The following FRMD4A variants were observed in gnomAD, a reference collection of about 807,000 sequenced individuals.
FRMD4A encodes the protein FERM domain-containing protein 4A.
A neutral mutation model predicts 129.1 loss-of-function variants in FRMD4A; 29 were observed. The ratio of observed to expected loss-of-function variants is 0.22; its 90% confidence interval spans 0.17 to 0.31. The LOEUF is 0.31. FRMD4A is among the 10% of genes least tolerant of loss of function. The probability of loss-of-function intolerance (pLI) is 1.00; values close to 1 mark genes in which losing one functional copy is unlikely to be tolerated. For synonymous variants in FRMD4A, 634 were observed against 571.6 expected, an observed-to-expected ratio of 1.11 and a Z score of -1.56; for missense variants, 1,272 against 1,375.8, an observed-to-expected ratio of 0.92 and a Z score of 1.19.
intron 8 of FRMD4A, among the ~76,000 whole-genome samples, chr10:13,749,915 C>G (rs1168777009): frequency 1.3e-5 from 2 of 150,386 alleles, no homozygotes; most frequent in Non-Finnish European, 3.0e-5. Flanking sequence ...AATTGCAACA[C>G]CACACTCCAG....
chr10:14,046,038 T>C (rs892310410), intron 2 of FRMD4A, among the ~76,000 whole-genome samples: 1 of 151,200 alleles, frequency 6.6e-6, no homozygotes, highest in Non-Finnish European at 1.5e-5. Context: ...TATCAATATG[T>C]ATGTATTGAA....
intron 2 of FRMD4A, among the ~76,000 whole-genome samples, chr10:13,899,984 G>T (rs2094800706): frequency 6.6e-6 from 1 of 152,116 alleles, no homozygotes; most frequent in South Asian, 2.1e-4. Context: ...AATAACACTG[G>T]CAAGTTTTCC....
intron 2 of FRMD4A, among the ~76,000 whole-genome samples, chr10:14,049,308 A>G (rs966985406): frequency 6.6e-6 from 1 of 152,194 alleles, no homozygotes; most frequent in Non-Finnish European, 1.5e-5. Context: ...TTGTCCATGT[A>G]AGTAATTAAT....
chr10:14,053,748 G>C (rs963742509), intron 2 of FRMD4A, among the ~76,000 whole-genome samples: 3 of 152,148 alleles, frequency 2.0e-5, no homozygotes, highest in African/African-American at 7.2e-5. Flanking sequence ...GCTGGGCATG[G>C]TGGCTCATGC....
Position 13,666,084 on chromosome 10 carries a change from G to C in FRMD4A, c.1603+13C>G, listed in dbSNP as rs750072034. Reference sequence around the variant, plus strand: ...CGTGGGAGTGGGGTGGGGGCAGCCCGGTTGGCACTGACCGTCTATGATCAG... The same window carrying C: ...CGTGGGAGTGGGGTGGGGGCAGCCCCGTTGGCACTGACCGTCTATGATCAG... On this transcript the variant is annotated intron_variant, in intron 18 of 24. Coordinates refer to ENST00000357447, the MANE Select transcript of FRMD4A (RefSeq NM_018027.5). The C allele has an allele frequency of 6.5e-7, 1 of 1,540,612 alleles. No homozygotes were observed. Among genetic ancestry groups the C allele is most frequent in the Non-Finnish European group, 9.0e-7 (1 of 1,113,266 alleles).
chr10:14,251,304 T>G (rs1261432082), intron 2 of FRMD4A, among the ~76,000 whole-genome samples: 1 of 152,190 alleles, frequency 6.6e-6, no homozygotes, highest in African/African-American at 2.4e-5. Context: ...TTTCCTTCTT[T>G]CTTGCTTTAC....
At chr10:13,694,871 G>A (rs2086067760) in intron 14 of FRMD4A, among the ~76,000 whole-genome samples, 1 of 151,860 alleles carries the variant, frequency 6.6e-6, no homozygotes, top group African/African-American at 2.4e-5. Context: ...AAATGACAAT[G>A]ACAGATCTCT....
chr10:13,886,837 G>T (rs1881592), intron 2 of FRMD4A, among the ~76,000 whole-genome samples: 149,958 of 152,322 alleles, frequency 0.98, 73,846 homozygotes, highest in Non-Finnish European at 1. Flanking sequence ...ACCAGGGTCC[G>T]GGGAGTGCTC....
At chr10:13,928,793 C>T (rs971714328) in intron 2 of FRMD4A, among the ~76,000 whole-genome samples, 3 of 152,204 alleles carry the variant, frequency 2.0e-5, no homozygotes, top group Non-Finnish European at 4.4e-5. Flanking sequence ...ACTCAGCCAG[C>T]ACAGACGGCC....
At chr10:14,016,645 A>G (rs2095700074) in intron 2 of FRMD4A, among the ~76,000 whole-genome samples, 1 of 152,164 alleles carries the variant, frequency 6.6e-6, no homozygotes, top group South Asian at 2.1e-4. Flanking sequence ...TGAGTACAGA[A>G]TTAATTCACC....
intron 2 of FRMD4A, among the ~76,000 whole-genome samples, chr10:14,261,837 T>C (rs917428446): frequency 1.3e-5 from 2 of 152,022 alleles, no homozygotes; most frequent in African/African-American, 4.8e-5. Context: ...CTCTTAATAC[T>C]TACTCTAGGT....
chr10:14,107,661 G>A (rs1199037394), intron 2 of FRMD4A, among the ~76,000 whole-genome samples: 1 of 152,078 alleles, frequency 6.6e-6, no homozygotes. Context: ...ATAAATAAAA[G>A]TGTGTATATA....
intron 2 of FRMD4A, among the ~76,000 whole-genome samples, chr10:14,229,125 C>T (rs1436268782): frequency 6.7e-6 from 1 of 150,278 alleles, no homozygotes; most frequent in African/African-American, 2.5e-5. Context: ...TTTTAAGATG[C>T]TAAAACCAGG....
At chr10:13,866,586 G>A (rs182377421) in intron 2 of FRMD4A, among the ~76,000 whole-genome samples, 31 of 152,320 alleles carry the variant, frequency 2.0e-4, no homozygotes, top group South Asian at 1.0e-3. Flanking sequence ...CAGCCAGGAG[G>A]AGATGAATGA....
intron 2 of FRMD4A, among the ~76,000 whole-genome samples, chr10:13,893,895 C>T (rs988812796): frequency 1.2e-4 from 19 of 152,186 alleles, no homozygotes; most frequent in African/African-American, 3.4e-4. Context: ...TCCTGCTTTC[C>T]GCCTTGGCCA....
chr10:14,214,318 C>G (rs1843012405), intron 2 of FRMD4A, among the ~76,000 whole-genome samples: 1 of 152,184 alleles, frequency 6.6e-6, no homozygotes, highest in Non-Finnish European at 1.5e-5. Flanking sequence ...ACCCACATCC[C>G]ATGTCTGGGC....
chr10:13,930,442 T>C (rs2095180646), intron 2 of FRMD4A, among the ~76,000 whole-genome samples: 1 of 152,184 alleles, frequency 6.6e-6, no homozygotes, highest in Non-Finnish European at 1.5e-5. Context: ...GCGTGAGCCT[T>C]TCAAGGAGTC....
rs369976312 is a variant in FRMD4A, at chr10:13,721,764, C to T, written c.760-14651G>A. On this transcript the variant is annotated intron_variant, in intron 12 of 24. Transcript: ENST00000357447. Reference sequence around the variant, plus strand: ...ATGGGCAAGCACTCTCTCATAGACACGGCTAGTGAGGAGTCTGGCCAGTGA... The same window carrying T: ...ATGGGCAAGCACTCTCTCATAGACATGGCTAGTGAGGAGTCTGGCCAGTGA... Among the ~76,000 whole-genome samples, 5 of 152,312 alleles carry T rather than the reference C, an allele frequency of 3.3e-5. No homozygotes were observed. In the South Asian group the frequency reaches 6.2e-4, roughly 19 times the overall value.
chr10:13,715,455 C>G (rs923745327), intron 12 of FRMD4A, among the ~76,000 whole-genome samples: 81 of 152,240 alleles, frequency 5.3e-4, no homozygotes, highest in African/African-American at 2.0e-3. Context: ...CTGTCTGCCA[C>G]TTACCGGCTG....
Sources: gnomAD v4.1 joint callset for allele counts (sites outside exome capture counted in the v4.1 genomes callset) on GRCh38, gnomAD v4.1.1 for gene constraint, MANE v1.5 for transcripts, NCBI Gene and HGNC (gene_info 2026-07-23, HGNC 2026-07-21) for gene names.